EXOC5: variants seen among roughly 807,000 people sequenced by gnomAD.
The protein encoded by EXOC5 is SEC10-like 1.
A neutral mutation model predicts 90.8 loss-of-function variants in EXOC5; 17 were observed. The observed-to-expected ratio is 0.19, with a 90% CI of 0.13 to 0.28. The LOEUF is 0.28. EXOC5 is among the 10% of genes least tolerant of loss of function. The probability of loss-of-function intolerance (pLI) is 1.00; values close to 1 mark genes in which losing one functional copy is unlikely to be tolerated. For synonymous variants in EXOC5, 260 were observed against 270.0 expected, an observed-to-expected ratio of 0.96 and a Z score of 0.36; for missense variants, 569 against 830.6, an observed-to-expected ratio of 0.69 and a Z score of 3.87.
At chr14:57,233,962 T>C in intron 8 of EXOC5, 26 bp downstream of exon 8, 3 of 1,593,070 alleles carry the variant, frequency 1.9e-6, no homozygotes, top group Non-Finnish European at 1.7e-6. Flanking sequence ...TAAAATAATA[T>C]CCAACAAAGT....
intron 1 of EXOC5, among the ~76,000 whole-genome samples, chr14:57,252,695 A>G (rs2139660676): frequency 6.6e-6 from 1 of 152,322 alleles, no homozygotes; most frequent in East Asian, 1.9e-4. Context: ...GGGAATGTAA[A>G]TTACCACAGC....
chr14:57,206,240 A>G lies in EXOC5; in HGVS notation c.*2369T>C. 4.0e-6 allele frequency: 1 copy of G among 250,558 alleles called. No homozygotes were observed. The highest frequency in any genetic ancestry group is 7.9e-6 in the Non-Finnish European group (1 of 127,302). The allele number at this position is 250,558 out of a possible 1,614,324, so 15.5% of individuals were successfully genotyped here. ...AGCTCCACTCTCTACCTAAAATTTT[A>G]CCATGTGCAAAACGAAAAACATTTT... On this transcript the variant is annotated 3_prime_UTR_variant, in exon 18 of 18. Coordinates refer to ENST00000621441, the MANE Select transcript of EXOC5 (RefSeq NM_006544.4).
At chr14:57,213,947 G>A (rs1377486172) in intron 15 of EXOC5, among the ~76,000 whole-genome samples, 1 of 129,606 alleles carries the variant, frequency 7.7e-6, no homozygotes, top group Non-Finnish European at 1.5e-5. Flanking sequence ...TCCAGCCTGG[G>A]AGACAGTGAG....
At chr14:57,231,836 A>ACT in intron 10 of EXOC5, 121 bp from the exon 11 acceptor site, 2 of 641,890 alleles carry the variant, frequency 3.1e-6, no homozygotes, top group Non-Finnish European at 5.3e-6. Flanking sequence ...CATTTCTTAA[A>ACT]CTCTGGGAGA....
intron 1 of EXOC5, among the ~76,000 whole-genome samples, chr14:57,249,307 C>T (rs973881424): frequency 6.6e-6 from 1 of 152,060 alleles, no homozygotes; most frequent in African/African-American, 2.4e-5. Context: ...ATCCCTTTCC[C>T]TATCATTTTC....
rs940788290 is a variant in EXOC5, at chr14:57,203,907, A to G, written c.*4702T>C. 1 of 152,604 alleles carries G rather than the reference A, an allele frequency of 6.6e-6. No homozygotes were observed. The highest frequency in any genetic ancestry group is 1.5e-5 in the Non-Finnish European group (1 of 68,030). The allele number at this position is 152,604 out of a possible 1,614,324, so 9.5% of individuals were successfully genotyped here. On this transcript the variant is annotated 3_prime_UTR_variant, in exon 18 of 18. Transcript: ENST00000621441. ...TGTTCTAATCCATTCCACCTGCTCA[A>G]ATATTAGTGCAAATAATTATATATT... is the stretch of plus-strand genomic sequence containing the variant.
chr14:57,245,538 G>A (rs1197291868), intron 3 of EXOC5, among the ~76,000 whole-genome samples: 1 of 152,078 alleles, frequency 6.6e-6, no homozygotes, highest in African/African-American at 2.4e-5. Context: ...ATTACCAAGG[G>A]AAAACTGCAT....
chr14:57,232,446 G>C (rs914979917), intron 10 of EXOC5: 2 of 314,388 alleles, frequency 6.4e-6, no homozygotes, highest in Non-Finnish European at 5.7e-6. Flanking sequence ...CTAATGCTTA[G>C]AGAAAAAATA....
chr14:57,208,273 C>T lies in EXOC5; in HGVS notation c.*336G>A, dbSNP rs963045916. The T allele has an allele frequency of 2.6e-5, 5 of 191,096 alleles. No homozygotes were observed. Among genetic ancestry groups the T allele is most frequent in the Middle Eastern group, 2.0e-3 (1 of 502 alleles). The allele number at this position is 191,096 out of a possible 1,614,324, so 11.8% of individuals were successfully genotyped here. ...TGGAATATGTTAAAAGTACAAGAAC[C>T]GAAAACACTGGTAACATTTCCTTTG... is the stretch of plus-strand genomic sequence containing the variant. On this transcript the variant is annotated 3_prime_UTR_variant, in exon 18 of 18. Coordinates refer to ENST00000621441, the MANE Select transcript of EXOC5 (RefSeq NM_006544.4).
At chr14:57,240,366 C>T (rs549942227) in intron 4 of EXOC5, among the ~76,000 whole-genome samples, 10 of 152,108 alleles carry the variant, frequency 6.6e-5, no homozygotes, top group Admixed American at 6.5e-5. Context: ...ACTGCAACCT[C>T]CGCCTCCTGG....
In EXOC5 at chr14:57,205,969, A is replaced by G; in HGVS notation, c.*2640T>C. ...TAATAATTCTTCATAAGGACACTTC[A>G]TCTACTCTGGTTGACTGTCATTTTC... On this transcript the variant is annotated 3_prime_UTR_variant, in exon 18 of 18. Coordinates refer to ENST00000621441, the MANE Select transcript of EXOC5 (RefSeq NM_006544.4). The G allele has an allele frequency of 4.4e-6, 2 of 456,224 alleles. No individual in the cohort carries two copies. The highest frequency in any genetic ancestry group is 3.1e-5 in the South Asian group (2 of 64,520). The allele number at this position is 456,224 out of a possible 1,614,324, so 28.3% of individuals were successfully genotyped here.
chr14:57,216,290 A>C (rs1178616102), intron 15 of EXOC5, among the ~76,000 whole-genome samples: 1 of 151,950 alleles, frequency 6.6e-6, no homozygotes, highest in Non-Finnish European at 1.5e-5. Flanking sequence ...AAAAAAAAAA[A>C]ACACTAAAAT....
At chr14:57,226,719 CAGTAA>C (rs1682047623) in intron 12 of EXOC5, among the ~76,000 whole-genome samples, 2 of 152,110 alleles carry the variant, frequency 1.3e-5, no homozygotes, top group South Asian at 4.2e-4. Flanking sequence ...AAAGGTTCTA[CAGTAA>C]TTCAGTGCGG....
intron 12 of EXOC5, among the ~76,000 whole-genome samples, chr14:57,224,263 C>A (rs1883236721): frequency 6.6e-6 from 1 of 151,282 alleles, no homozygotes. Flanking sequence ...AGAAAAACAA[C>A]AGGGAAAAAT....
At chr14:57,249,621 A>G (rs1251189467) in intron 1 of EXOC5, among the ~76,000 whole-genome samples, 3 of 152,164 alleles carry the variant, frequency 2.0e-5, no homozygotes, top group Non-Finnish European at 4.4e-5. Flanking sequence ...TAGTAAAAAA[A>G]GGAGGGAAAA....
At chr14:57,217,549 T>C (rs376437756) in intron 15 of EXOC5, among the ~76,000 whole-genome samples, 2 of 152,144 alleles carry the variant, frequency 1.3e-5, no homozygotes, top group African/African-American at 4.8e-5. Flanking sequence ...GTGAACCTAA[T>C]TGACAAATGT....
intron 5 of EXOC5, 46 bp downstream of exon 5, chr14:57,239,549 T>C (rs1421209523): frequency 1.9e-6 from 2 of 1,032,380 alleles, no homozygotes; most frequent in East Asian, 2.7e-5. Context: ...TTTTATTTTA[T>C]AAATTATACC....
rs1406109576 is a variant in EXOC5, at chr14:57,204,216, TA to T, written c.*4392del. ...TCTAGTTCAAAAATAGGAATTTTGT[TA>T]AGCCCAGGGGCAGCCTAGCTGCTTT... is the stretch of plus-strand genomic sequence containing the variant. On this transcript the variant is annotated 3_prime_UTR_variant, in exon 18 of 18. Coordinates refer to ENST00000621441, the MANE Select transcript of EXOC5 (RefSeq NM_006544.4). The T allele has an allele frequency of 6.6e-6, 1 of 152,164 alleles. No homozygotes were observed. Among genetic ancestry groups the T allele is most frequent in the Non-Finnish European group, 1.5e-5 (1 of 67,980 alleles). The allele number at this position is 152,164 out of a possible 1,614,324, so 9.4% of individuals were successfully genotyped here. A position where few individuals can be genotyped will look rare whatever the true frequency, so the allele number is the denominator to read the frequency against.
intron 12 of EXOC5, among the ~76,000 whole-genome samples, chr14:57,226,285 T>C (rs557499041): frequency 6.6e-6 from 1 of 152,336 alleles, no homozygotes; most frequent in South Asian, 2.1e-4. Flanking sequence ...TTTGGCTTAG[T>C]GATTTGGGGG....
Sources: gnomAD v4.1 joint callset for allele counts (sites outside exome capture counted in the v4.1 genomes callset) on GRCh38, gnomAD v4.1.1 for gene constraint, MANE v1.5 for transcripts, NCBI Gene and HGNC (gene_info 2026-07-23, HGNC 2026-07-21) for gene names.